NBAS: variants seen among roughly 807,000 people sequenced by gnomAD.
NBAS encodes NAG/BC035112 fusion.
In NBAS, 219 loss-of-function variants were observed where a neutral mutation model predicts 302.5. The ratio of observed to expected loss-of-function variants is 0.72; its 90% confidence interval spans 0.65 to 0.81. NBAS has a LOEUF of 0.81. NBAS is among the 30% of genes least tolerant of loss of function. The pLI is 0.00. For synonymous variants in NBAS, 1,118 were observed against 1,021.6 expected, an observed-to-expected ratio of 1.09 and a Z score of -1.80; for missense variants, 2,932 against 2,841.6, an observed-to-expected ratio of 1.03 and a Z score of -0.72.
At chr2:14,795,109 T>C in the NBAS span, among the ~76,000 whole-genome samples, 10 of 152,194 alleles carry the variant, frequency 6.6e-5, no homozygotes, top group African/African-American at 2.2e-4. Context: ...TTGTCTTAGG[T>C]AATCCTTTAG....
In NBAS at chr2:15,475,723, G is replaced by T; in HGVS notation, c.1305C>A (p.Val435=). Residue 435 remains valine (V), a synonymous_variant, in exon 14 of 52, where the codon GTC becomes GTA. Transcript: ENST00000281513. ...SCEWFEPSPQ[V]TATHDGGFLS... is the part of the protein sequence containing the mutation. ...AAAATCCCCCATCATGGGTAGCAGT[G>T]ACTTGAGGTGATGGTTCAAACCATT... 1 of 1,614,072 alleles carries T rather than the reference G, an allele frequency of 6.2e-7. No individual in the cohort carries two copies. The highest frequency in any genetic ancestry group is 1.1e-5 in the South Asian group (1 of 91,068).
At chr2:15,092,968 T>A in the NBAS span, among the ~76,000 whole-genome samples, 1 of 152,122 alleles carries the variant, frequency 6.6e-6, no homozygotes. Flanking sequence ...AAATGGAATT[T>A]TTCTAAAATG....
the NBAS span, among the ~76,000 whole-genome samples, chr2:14,949,402 T>A: frequency 6.6e-6 from 1 of 151,786 alleles, no homozygotes; most frequent in African/African-American, 2.4e-5. Flanking sequence ...AAAAAACAAA[T>A]AACATAATTT....
chr2:15,049,654 G>A, the NBAS span, among the ~76,000 whole-genome samples: 4 of 152,344 alleles, frequency 2.6e-5, no homozygotes, highest in East Asian at 7.7e-4. Flanking sequence ...AGCCCAGAGG[G>A]GCAGGGGAGC....
At chr2:15,470,901 C>A (rs1679930293) in intron 16 of NBAS, among the ~76,000 whole-genome samples, 1 of 152,034 alleles carries the variant, frequency 6.6e-6, no homozygotes, top group African/African-American at 2.4e-5. Context: ...GCAGAAGCTG[C>A]AGTGAGCCGA....
chr2:15,337,495 A>C (rs1558546895), intron 35 of NBAS, among the ~76,000 whole-genome samples: 1 of 152,188 alleles, frequency 6.6e-6, no homozygotes, highest in Non-Finnish European at 1.5e-5. Context: ...AGAAAAGAAA[A>C]ATGTAGGCCA....
intron 31 of NBAS, among the ~76,000 whole-genome samples, chr2:15,368,173 T>C (rs768738160): frequency 6.6e-6 from 1 of 151,380 alleles, no homozygotes; most frequent in Non-Finnish European, 1.5e-5. Context: ...CTTCAGTGTG[T>C]GTTTCCTAAT....
the NBAS span, among the ~76,000 whole-genome samples, chr2:14,817,293 G>C: frequency 6.6e-6 from 1 of 152,150 alleles, no homozygotes; most frequent in African/African-American, 2.4e-5. Context: ...CTTATGCCTG[G>C]AAAACTCCTA....
chr2:15,393,806 G>A, intron 28 of NBAS: 1 of 447,864 alleles, frequency 2.2e-6, no homozygotes, highest in Non-Finnish European at 4.6e-6. Flanking sequence ...CAACATGGAT[G>A]AATCACAAAA....
chr2:14,982,187 C>T, the NBAS span, among the ~76,000 whole-genome samples: 2 of 152,170 alleles, frequency 1.3e-5, no homozygotes, highest in Non-Finnish European at 1.5e-5. Context: ...ACTGATCAAG[C>T]TGAGCTCCCA....
chr2:15,528,956 T>C (rs1035734131), intron 9 of NBAS, among the ~76,000 whole-genome samples: 3 of 150,098 alleles, frequency 2.0e-5, no homozygotes, highest in Non-Finnish European at 4.4e-5. Flanking sequence ...ATATGAGATC[T>C]TAGGTCAGAA....
chr2:15,007,770 G>T, the NBAS span, among the ~76,000 whole-genome samples: 1 of 152,172 alleles, frequency 6.6e-6, no homozygotes, highest in Admixed American at 6.5e-5. Flanking sequence ...AGACCATTAA[G>T]TAACAAAATG....
chr2:15,334,431 G>T (rs1019828155), intron 35 of NBAS, among the ~76,000 whole-genome samples: 1 of 151,828 alleles, frequency 6.6e-6, no homozygotes, highest in African/African-American at 2.4e-5. Flanking sequence ...CTCATGATCC[G>T]CCCGCCTCGG....
chr2:14,913,166 C>G, the NBAS span, among the ~76,000 whole-genome samples: 1 of 152,160 alleles, frequency 6.6e-6, no homozygotes, highest in Non-Finnish European at 1.5e-5. Flanking sequence ...TTCTGTGTGT[C>G]AGGGGCTGCA....
chr2:14,856,819 G>A, the NBAS span, among the ~76,000 whole-genome samples: 15 of 151,888 alleles, frequency 9.9e-5, 1 homozygote, highest in African/African-American at 2.9e-4. Flanking sequence ...AGCCTCAACG[G>A]GGCAAATATG....
chr2:15,123,669 AC>A, the NBAS span, among the ~76,000 whole-genome samples: 1 of 151,776 alleles, frequency 6.6e-6, no homozygotes, highest in East Asian at 1.9e-4. Flanking sequence ...TCCCACTCTC[AC>A]CCTGTGACAT....
chr2:14,839,875 G>A, the NBAS span, among the ~76,000 whole-genome samples: 1 of 151,834 alleles, frequency 6.6e-6, no homozygotes, highest in Non-Finnish European at 1.5e-5. Context: ...AGACACAAAG[G>A]TACATCCACA....
At chr2:15,194,191 C>A (rs1482991787) in intron 48 of NBAS, among the ~76,000 whole-genome samples, 1 of 151,932 alleles carries the variant, frequency 6.6e-6, no homozygotes, top group Admixed American at 6.6e-5. Context: ...AGACACAAAC[C>A]CACACATTCA....
At chr2:15,283,361 CCCA>C (rs1395242059) in intron 42 of NBAS, among the ~76,000 whole-genome samples, 3 of 151,944 alleles carry the variant, frequency 2.0e-5, no homozygotes, top group Non-Finnish European at 4.4e-5. Flanking sequence ...TCCCATAATC[CCCA>C]CGTGTTGTGG....
Sources: gnomAD v4.1 joint callset for allele counts (sites outside exome capture counted in the v4.1 genomes callset) on GRCh38, gnomAD v4.1.1 for gene constraint, MANE v1.5 for transcripts, NCBI Gene and HGNC (gene_info 2026-07-23, HGNC 2026-07-21) for gene names.